Variants in PACRG observed in about 807,000 individuals in gnomAD.
PACRG encodes the protein parkin coregulated.
In PACRG, 29 loss-of-function variants were observed where a neutral mutation model predicts 29.7. The ratio of observed to expected loss-of-function variants is 0.98; its 90% CI spans 0.73 to 1.33. The LOEUF is 1.33. PACRG is among the 40% of genes most tolerant of loss of function. The probability of loss-of-function intolerance (pLI) is 0.00; values close to 1 mark genes in which losing one functional copy is unlikely to be tolerated. For synonymous variants in PACRG, 116 were observed against 118.7 expected, an observed-to-expected ratio of 0.98 and a Z score of 0.15; for missense variants, 279 against 316.2, an observed-to-expected ratio of 0.88 and a Z score of 0.89.
At chr6:162,868,846 C>G (rs907264621) in intron 2 of PACRG, among the ~76,000 whole-genome samples, 1 of 152,052 alleles carries the variant, frequency 6.6e-6, no homozygotes, top group Admixed American at 6.5e-5. Context: ...GCTCTTTGAA[C>G]TCTGCACTAG....
In PACRG at chr6:163,062,152, A is replaced by G. The variant is rs775034003; in HGVS notation, c.294A>G (p.Val98=). The G allele has an allele frequency of 1.9e-6, 3 of 1,613,490 alleles. No homozygotes were observed. Among genetic ancestry groups the G allele is most frequent in the South Asian group, 2.2e-5 (2 of 91,002 alleles). ...DSKGNKIAWK[V]EIEKLDYHHY... ...GTCTCTTCTTTCTTTACTTTCAGGT[A>G]GAAATTGAGAAGCTGGATTACCATC... is the stretch of plus-strand genomic sequence containing the variant. Residue 98 remains valine, a splice_region_variant and synonymous_variant, in exon 3 of 5, where the codon GTA becomes GTG. Transcript: ENST00000366888.
intron 4 of PACRG, among the ~76,000 whole-genome samples, chr6:163,102,321 A>C (rs1303561942): frequency 1.3e-5 from 2 of 152,200 alleles, no homozygotes; most frequent in Non-Finnish European, 2.9e-5. Flanking sequence ...GAGGTTGCTA[A>C]ATGGCAAAAA....
intron 2 of PACRG, among the ~76,000 whole-genome samples, chr6:162,845,667 TCTC>T (rs1463418182): frequency 3.9e-5 from 6 of 152,202 alleles, no homozygotes; most frequent in African/African-American, 1.2e-4. Context: ...TCATGCCAGT[TCTC>T]CTGCTCAGAA....
At chr6:162,904,603 T>A (rs1293279217) in intron 2 of PACRG, among the ~76,000 whole-genome samples, 2 of 152,192 alleles carry the variant, frequency 1.3e-5, no homozygotes, top group Non-Finnish European at 2.9e-5. Flanking sequence ...AACCTATTAA[T>A]ACTTAAGGTT....
chr6:162,843,576 CT>C (rs1274411436), intron 2 of PACRG, among the ~76,000 whole-genome samples: 13 of 118,518 alleles, frequency 1.1e-4, no homozygotes, highest in African/African-American at 3.8e-4. Flanking sequence ...ATTTGATCGT[CT>C]GAAGCCTTCT....
At chr6:162,756,410 T>C (rs984822722) in intron 1 of PACRG, among the ~76,000 whole-genome samples, 1 of 152,190 alleles carries the variant, frequency 6.6e-6, no homozygotes, top group African/African-American at 2.4e-5. Flanking sequence ...CTCGTCCCTT[T>C]TAATAATTTT....
intron 1 of PACRG, among the ~76,000 whole-genome samples, chr6:162,798,883 A>G (rs1401282643): frequency 1.3e-5 from 2 of 152,222 alleles, no homozygotes; most frequent in South Asian, 4.1e-4. Context: ...GAATGCCTAT[A>G]TAAAATTTTA....
At chr6:162,866,247 A>G (rs13215569) in intron 2 of PACRG, among the ~76,000 whole-genome samples, 18,889 of 152,186 alleles carry the variant, frequency 0.12, 1,636 homozygotes, top group African/African-American at 0.25. Flanking sequence ...ACTTTTGGTG[A>G]GAGAAATTGC....
At chr6:163,114,937 A>G (rs545947477) in intron 4 of PACRG, among the ~76,000 whole-genome samples, 6 of 152,142 alleles carry the variant, frequency 3.9e-5, no homozygotes, top group African/African-American at 1.4e-4. Flanking sequence ...TTCACAATGT[A>G]TTCATATATC....
At chr6:163,123,169 G>A (rs1816370855) in intron 4 of PACRG, among the ~76,000 whole-genome samples, 1 of 152,178 alleles carries the variant, frequency 6.6e-6, no homozygotes, top group Non-Finnish European at 1.5e-5. Flanking sequence ...ATTTGCTTAG[G>A]GCCCAGGGGA....
chr6:163,160,575 T>C (rs557102157), intron 4 of PACRG, among the ~76,000 whole-genome samples: 45 of 152,310 alleles, frequency 3.0e-4, no homozygotes, highest in African/African-American at 1.0e-3. Flanking sequence ...TGGCATACCT[T>C]TTATACCAAA....
intron 4 of PACRG, among the ~76,000 whole-genome samples, 167 bp from the exon 5 acceptor site, chr6:163,314,660 G>C (rs751647954): frequency 7.9e-5 from 12 of 152,114 alleles, no homozygotes; most frequent in Non-Finnish European, 1.8e-4. Flanking sequence ...CTGGGACTTG[G>C]TATTTTTGTA....
chr6:162,949,494 A>G (rs1240483755), intron 2 of PACRG, among the ~76,000 whole-genome samples: 1 of 152,186 alleles, frequency 6.6e-6, no homozygotes, highest in African/African-American at 2.4e-5. Context: ...CAAAGGAGCT[A>G]GAAGGGAGCA....
chr6:162,927,797 A>T (rs1056377885), intron 2 of PACRG, among the ~76,000 whole-genome samples: 11 of 149,768 alleles, frequency 7.3e-5, no homozygotes, highest in Admixed American at 2.7e-4. Context: ...ACTTAAAATT[A>T]AAAAAAGCAA....
At chr6:162,792,932 C>T (rs1010347119) in intron 1 of PACRG, among the ~76,000 whole-genome samples, 3 of 152,062 alleles carry the variant, frequency 2.0e-5, no homozygotes, top group Non-Finnish European at 4.4e-5. Flanking sequence ...GACTAAAGGG[C>T]ATGGTGAGTT....
At chr6:162,829,690 T>C (rs1025305642) in intron 2 of PACRG, among the ~76,000 whole-genome samples, 3 of 152,148 alleles carry the variant, frequency 2.0e-5, no homozygotes, top group Non-Finnish European at 4.4e-5. Context: ...CAGCAACATA[T>C]GTTGCCTTTT....
chr6:163,293,295 C>T (rs1010321787), intron 4 of PACRG, among the ~76,000 whole-genome samples: 2 of 152,172 alleles, frequency 1.3e-5, no homozygotes, highest in Middle Eastern at 3.2e-3. Flanking sequence ...TATATGTGCA[C>T]GTGCCAGAGT....
intron 4 of PACRG, among the ~76,000 whole-genome samples, chr6:163,211,283 C>A (rs956234481): frequency 6.6e-6 from 1 of 152,100 alleles, no homozygotes; most frequent in Non-Finnish European, 1.5e-5. Flanking sequence ...GTGTACTATT[C>A]CATCATTGGT....
chr6:163,008,183 C>T (rs1805295800), intron 2 of PACRG, among the ~76,000 whole-genome samples: 1 of 152,112 alleles, frequency 6.6e-6, no homozygotes, highest in Admixed American at 6.5e-5. Context: ...CGCAAATGCA[C>T]ACTCATGCTC....
Sources: gnomAD v4.1 joint callset for allele counts (sites outside exome capture counted in the v4.1 genomes callset) on GRCh38, gnomAD v4.1.1 for gene constraint, MANE v1.5 for transcripts, NCBI Gene and HGNC (gene_info 2026-07-23, HGNC 2026-07-21) for gene names.